Variants in DHX36 observed in about 807,000 individuals in gnomAD.
DHX36 encodes DEAH-box helicase 36.
Under a neutral mutation model 139.0 loss-of-function variants are expected in DHX36, and 50 were observed. The ratio of observed to expected loss-of-function variants is 0.36; its 90% CI spans 0.29 to 0.46. DHX36 has a LOEUF of 0.46. Ranked by LOEUF, DHX36 falls within the 20% of genes least tolerant of loss-of-function variation. DHX36 has a pLI of 1.00. For missense variants in DHX36, 1,024 were observed against 1,211.3 expected, an observed-to-expected ratio of 0.85 and a Z score of 2.29; for synonymous variants, 425 against 401.9, an observed-to-expected ratio of 1.06 and a Z score of -0.69.
At chr3:154,303,899 TGTTA>T (rs1192243162) in intron 8 of DHX36, among the ~76,000 whole-genome samples, 6 of 152,232 alleles carry the variant, frequency 3.9e-5, no homozygotes, top group Non-Finnish European at 8.8e-5. Context: ...ACTTCGGTAC[TGTTA>T]TTTAAATGCT....
chr3:154,280,425 A>G (rs1477133665), intron 22 of DHX36, 154 bp downstream of exon 22: 5 of 605,786 alleles, frequency 8.3e-6, no homozygotes, highest in African/African-American at 7.4e-5. Flanking sequence ...ACCAATGGCT[A>G]AACAGTTCAC....
At chr3:154,311,152 A>C (rs1212889348) in intron 4 of DHX36, among the ~76,000 whole-genome samples, 1 of 151,804 alleles carries the variant, frequency 6.6e-6, no homozygotes, top group Non-Finnish European at 1.5e-5. Context: ...AAAAGTAAAA[A>C]ATAAAGTAAA....
intron 9 of DHX36, among the ~76,000 whole-genome samples, chr3:154,301,718 T>A (rs1385529687): frequency 6.6e-6 from 1 of 152,118 alleles, no homozygotes; most frequent in East Asian, 1.9e-4. Context: ...GTCAATTGAG[T>A]GCTGTACTAT....
In DHX36 at chr3:154,312,852, AATATATATATATATATATATATATATAT is replaced by A. The variant is rs67771264; in HGVS notation, c.604-1206_604-1179del. The stretch of plus-strand genomic sequence containing the variant: ...CAAAAAAAAAAAAGGAAATAATTAA[AATATATATATATATATATATATATATAT>A]ATATATATATATATATATATAAAAT... On this transcript the variant is annotated intron_variant, in intron 3 of 24. Coordinates refer to ENST00000496811, the MANE Select transcript of DHX36 (RefSeq NM_020865.3). Among the ~76,000 whole-genome samples, 110 of 39,768 alleles carry A rather than the reference AATATATATATATATATATATATATATAT, an allele frequency of 2.8e-3. 4 individuals carry two copies. The highest frequency in any genetic ancestry group is 0.018 in the East Asian group (16 of 914). The allele number at this position is 39,768 out of a possible 152,430, so 26.1% of individuals were successfully genotyped here.
chr3:154,281,650 T>C (rs1455448533), intron 20 of DHX36, among the ~76,000 whole-genome samples: 1 of 152,130 alleles, frequency 6.6e-6, no homozygotes, highest in African/African-American at 2.4e-5. Context: ...TCCTAAGGAA[T>C]TCCTTTTAGA....
chr3:154,292,820 T>A lies in DHX36; in HGVS notation c.1671-126A>T, dbSNP rs189577463. ...AATAGGTATTTCAGAGCATTTTTTT[T>A]TTATTACATCAAATGATTTTAGCCA... On this transcript the variant is annotated intron_variant, in intron 14 of 24. Transcript: ENST00000496811. The A allele has an allele frequency of 4.7e-3, 6,680 of 1,411,200 alleles. 18 individuals are homozygous for A. The highest frequency in any genetic ancestry group is 5.7e-3 in the Non-Finnish European group (6,158 of 1,075,590). The allele number at this position is 1,411,200 out of a possible 1,614,324, so 87.4% of individuals were successfully genotyped here.
Position 154,303,316 on chromosome 3 carries a change from A to G in DHX36, c.1217+13T>C. 1 of 1,550,720 alleles carries G rather than the reference A, an allele frequency of 6.4e-7. No homozygotes were observed. The highest frequency in any genetic ancestry group is 8.8e-7 in the Non-Finnish European group (1 of 1,135,194). On this transcript the variant is annotated intron_variant, in intron 9 of 24. Transcript: ENST00000496811. ...TACTTTTTAATGTTTTTTATTTCCT[A>G]ATGTTTACTTACCTTATTTTTTCAA... is the stretch of plus-strand genomic sequence containing the variant.
chr3:154,305,016 T>C (rs753379514), intron 7 of DHX36, 44 bp from the exon 8 acceptor site: 2 of 1,596,588 alleles, frequency 1.3e-6, no homozygotes, highest in Admixed American at 3.6e-5. Flanking sequence ...ACCATTTTTC[T>C]TTAACAACTA....
intron 17 of DHX36, among the ~76,000 whole-genome samples, chr3:154,287,764 A>G (rs1711598769): frequency 6.6e-6 from 1 of 152,252 alleles, no homozygotes. Flanking sequence ...GCGCAGATCA[A>G]GAGTACAAAA....
Position 154,272,845 on chromosome 3 carries a change from A to C in DHX36, c.*3326T>G, listed in dbSNP as rs1719037663. ...ATTTATTTTGGGTAAAGGAGTACTAAAATTCCTCCTAAAGCTTTTGTATAA... is the reference window on the plus strand; with the variant it reads ...ATTTATTTTGGGTAAAGGAGTACTACAATTCCTCCTAAAGCTTTTGTATAA... On this transcript the variant is annotated 3_prime_UTR_variant, in exon 25 of 25. Transcript: ENST00000496811. 6.6e-6 allele frequency: 1 copy of C among 152,224 alleles called. No individual in the cohort carries two copies. Among genetic ancestry groups the C allele is most frequent in the Non-Finnish European group, 1.5e-5 (1 of 67,978 alleles). The allele number at this position is 152,224 out of a possible 1,614,324, so 9.4% of individuals were successfully genotyped here. A position where few individuals can be genotyped will look rare whatever the true frequency, so the allele number is the denominator to read the frequency against.
chr3:154,284,858 T>C lies in DHX36; in HGVS notation c.2161A>G (p.Ile721Val), dbSNP rs1280443240. The C allele has an allele frequency of 6.2e-7, 1 of 1,614,092 alleles. No individual in the cohort carries two copies. The change falls in exon 18 of 25, where the codon ATT becomes GTT. Residue 721 changes from isoleucine to valine, a missense_variant. Physicochemically the swap from Ile to Val is conservative, Grantham distance 29. This residue lies in a region of DHX36 where 470 missense variants were observed against 616.2 expected (regional missense o/e 0.76). Coordinates refer to ENST00000496811, the MANE Select transcript of DHX36 (RefSeq NM_020865.3). ...LFCCLDPVLT[I>V]AASLSFKDPF... ...TCTTTGAAACTGAGACTAGCAGCAA[T>C]AGTGAGTACTGGGTCTAAGCAGCAG...
intron 23 of DHX36, among the ~76,000 whole-genome samples, chr3:154,277,223 A>G (rs1174652241): frequency 6.6e-6 from 1 of 152,188 alleles, no homozygotes; most frequent in East Asian, 1.9e-4. Flanking sequence ...TACTGTTCTA[A>G]AGAGAAAAAT....
chr3:154,285,083 CTCTCT>C, intron 17 of DHX36, 96 bp from the exon 18 acceptor site: 4 of 1,290,410 alleles, frequency 3.1e-6, no homozygotes, highest in East Asian at 2.3e-5. Flanking sequence ...AGCCACTACT[CTCTCT>C]TCTAAGTCCA....
chr3:154,307,707 A>T (rs1214047078), intron 5 of DHX36, among the ~76,000 whole-genome samples: 1 of 152,060 alleles, frequency 6.6e-6, no homozygotes. Context: ...AACAGTATGG[A>T]GATTGCTCAA....
At chr3:154,284,314 G>A (rs1271236348) in intron 19 of DHX36, among the ~76,000 whole-genome samples, 1 of 151,452 alleles carries the variant, frequency 6.6e-6, no homozygotes, top group East Asian at 1.9e-4. Context: ...CTGAGTAGCT[G>A]GGATTACAAA....
intron 5 of DHX36, among the ~76,000 whole-genome samples, chr3:154,307,184 G>C (rs905198434): frequency 6.6e-6 from 1 of 152,076 alleles, no homozygotes; most frequent in Non-Finnish European, 1.5e-5. Flanking sequence ...AGAAAACCTA[G>C]GGAAAAACTC....
rs373644958 is a variant in DHX36 at position 154,274,855 on chromosome 3, T to C, written c.*1316A>G. 3 of 152,120 alleles carry C rather than the reference T, an allele frequency of 2.0e-5. No individual in the cohort carries two copies. The highest frequency in any genetic ancestry group is 7.2e-5 in the African/African-American group (3 of 41,410). 9.4% of individuals were successfully genotyped at this position (152,120 alleles called of 1,614,324 possible). On this transcript the variant is annotated 3_prime_UTR_variant, in exon 25 of 25. Coordinates refer to ENST00000496811, the MANE Select transcript of DHX36 (RefSeq NM_020865.3). ...AGCAAGCAAGAAGGGAGGGACAAAA[T>C]AGTTGCTGGCCGGCAACCAACAGTA...
intron 1 of DHX36, among the ~76,000 whole-genome samples, chr3:154,320,577 A>T (rs1713152881): frequency 6.6e-6 from 1 of 152,144 alleles, no homozygotes; most frequent in Non-Finnish European, 1.5e-5. Context: ...CCTCCTGCAA[A>T]TCCTCATTTG....
At chr3:154,315,445 T>C (rs1478023557) in intron 2 of DHX36, among the ~76,000 whole-genome samples, 165 bp from the exon 3 acceptor site, 1 of 152,132 alleles carries the variant, frequency 6.6e-6, no homozygotes, top group Non-Finnish European at 1.5e-5. Flanking sequence ...TAGATTCTTA[T>C]AATAAATTCA....
Sources: gnomAD v4.1 joint callset for allele counts (sites outside exome capture counted in the v4.1 genomes callset) on GRCh38, gnomAD v4.1.1 for gene constraint, gnomAD v4.1.1 regional missense constraint, MANE v1.5 for transcripts, NCBI Gene and HGNC (gene_info 2026-07-23, HGNC 2026-07-21) for gene names.